SMARCC1: variants seen among roughly 807,000 people sequenced by gnomAD.
SMARCC1 encodes SWI/SNF complex subunit SMARCC1.
Under a neutral mutation model 147.4 loss-of-function variants are expected in SMARCC1, and 43 were observed. That is an observed-to-expected ratio of 0.29 (90% confidence interval 0.23 to 0.38). The LOEUF (loss-of-function observed/expected upper bound fraction) is 0.38, where lower values mean the gene tolerates loss of function less well. Among genes scored for constraint, SMARCC1 ranks in the 10% least tolerant of loss-of-function variants. SMARCC1 has a pLI of 1.00. For synonymous variants in SMARCC1, 495 were observed against 484.4 expected (o/e 1.02, Z -0.29); for missense variants, 1,119 against 1,381.1 (o/e 0.81, Z 3.01).
chr3:47,622,921 A>T (rs1045037051), intron 24 of SMARCC1, among the ~76,000 whole-genome samples: 10 of 152,164 alleles, frequency 6.6e-5, no homozygotes, highest in African/African-American at 2.2e-4. Flanking sequence ...TTGCCACAAG[A>T]CTGATGGTGA....
intron 19 of SMARCC1, among the ~76,000 whole-genome samples, chr3:47,667,105 CAGG>C (rs1352392759): frequency 6.6e-6 from 1 of 152,074 alleles, no homozygotes; most frequent in East Asian, 1.9e-4. Flanking sequence ...ATCACGAGGT[CAGG>C]AGATCGAGAC....
In SMARCC1 at chr3:47,689,281, G is replaced by T. The variant is rs962779887; in HGVS notation, c.1263+106C>A. On this transcript the variant is annotated intron_variant, in intron 13 of 27. Coordinates refer to ENST00000254480, the MANE Select transcript of SMARCC1 (RefSeq NM_003074.4). ...AAAAAAAAATTCAAAAACCAGAAGG[G>T]CTTCATAGTCCAAAAATTGGGTTAT... The T allele has an allele frequency of 1.1e-4, 96 of 868,060 alleles. No individual in the cohort carries two copies. In the African/African-American group the frequency reaches 1.6e-3, roughly 14 times the overall value. 53.8% of individuals were successfully genotyped at this position (868,060 alleles called of 1,614,324 possible).
rs1373829840 is a variant in SMARCC1, at chr3:47,703,006, A to T, written c.1041-1604T>A. On this transcript the variant is annotated intron_variant, in intron 10 of 27. Coordinates refer to ENST00000254480, the MANE Select transcript of SMARCC1 (RefSeq NM_003074.4). ...AAGTGGCACTATCTCAGCTCACTGC[A>T]ATCTTTTCCTTCCCAGGTTCAAGCA... 2.6e-5 allele frequency among the ~76,000 whole-genome samples: 4 copies of T among 152,086 alleles called. No individual in the cohort carries two copies. The East Asian group carries it at 7.7e-4, about 29-fold the overall frequency.
At chr3:47,718,391 G>A (rs1004449100) in intron 7 of SMARCC1, among the ~76,000 whole-genome samples, 18 of 152,076 alleles carry the variant, frequency 1.2e-4, no homozygotes, top group African/African-American at 2.4e-4. Flanking sequence ...CTGAGGTTGC[G>A]CCACTGCACT....
intron 25 of SMARCC1, 57 bp from the exon 26 acceptor site, chr3:47,610,384 TA>T: frequency 6.3e-7 from 1 of 1,594,912 alleles, no homozygotes. Context: ...CAGGATTGGA[TA>T]ACACAAAGGA....
At chr3:47,665,174 C>A (rs1430540992) in intron 19 of SMARCC1, among the ~76,000 whole-genome samples, 3 of 152,082 alleles carry the variant, frequency 2.0e-5, no homozygotes. Flanking sequence ...GCTGCTCAGG[C>A]TTTCATTTCT....
At chr3:47,767,622 C>T (rs2034856034) in intron 2 of SMARCC1, among the ~76,000 whole-genome samples, 1 of 140,890 alleles carries the variant, frequency 7.1e-6, no homozygotes, top group South Asian at 2.2e-4. Context: ...GTAATCCCAG[C>T]ACCTTGGGAG....
intron 2 of SMARCC1, among the ~76,000 whole-genome samples, chr3:47,754,920 G>A (rs2034671792): frequency 6.6e-6 from 1 of 152,146 alleles, no homozygotes. Context: ...GCGGGCACTT[G>A]TAATCCCAGC....
chr3:47,665,495 T>C (rs1161530868), intron 19 of SMARCC1, among the ~76,000 whole-genome samples: 1 of 152,176 alleles, frequency 6.6e-6, no homozygotes, highest in Non-Finnish European at 1.5e-5. Context: ...TTTTTTCATG[T>C]TCCTTTCGCC....
intron 9 of SMARCC1, among the ~76,000 whole-genome samples, chr3:47,709,069 T>C (rs2034052220): frequency 6.6e-6 from 1 of 152,316 alleles, no homozygotes; most frequent in African/African-American, 2.4e-5. Flanking sequence ...AAGATCAGCC[T>C]GGCCAACATA....
Position 47,636,788 on chromosome 3 carries a change from ATGTGTGTGTGTG to A in SMARCC1, c.2377-664_2377-653del, listed in dbSNP as rs35445330. 5.2e-3 allele frequency among the ~76,000 whole-genome samples: 422 copies of A among 80,656 alleles called. 2 individuals carry two copies. The highest frequency in any genetic ancestry group is 0.038 in the East Asian group (99 of 2,602). 52.9% of individuals were successfully genotyped at this position (80,656 alleles called of 152,430 possible). A position where few individuals can be genotyped will look rare whatever the true frequency, so the allele number is the denominator to read the frequency against. ...ACAACAACCACAACAAAATATATAT[ATGTGTGTGTGTG>A]TGTGTGTGTGTGTGTGTGTGTGTGT... is the stretch of plus-strand genomic sequence containing the variant. On this transcript the variant is annotated intron_variant, in intron 22 of 27. Transcript: ENST00000254480.
chr3:47,657,625 C>G (rs1383215041), intron 21 of SMARCC1, among the ~76,000 whole-genome samples: 1 of 151,844 alleles, frequency 6.6e-6, no homozygotes, highest in Non-Finnish European at 1.5e-5. Context: ...ATAGTGAAAC[C>G]CCATCTCTAC....
chr3:47,685,806 G>C (rs979835718), intron 14 of SMARCC1, among the ~76,000 whole-genome samples: 2 of 152,052 alleles, frequency 1.3e-5, no homozygotes. Flanking sequence ...GCAGTGAGTC[G>C]AGATCATACC....
intron 1 of SMARCC1, among the ~76,000 whole-genome samples, chr3:47,780,183 T>TTG (rs1445910458): frequency 6.9e-6 from 1 of 144,310 alleles, no homozygotes; most frequent in Non-Finnish European, 1.5e-5. Flanking sequence ...TTTTTTTTTT[T>TTG]TTTTTTTGGA....
At chr3:47,780,530 C>T (rs981668912) in intron 1 of SMARCC1, among the ~76,000 whole-genome samples, 1 of 152,110 alleles carries the variant, frequency 6.6e-6, no homozygotes, top group Non-Finnish European at 1.5e-5. Flanking sequence ...CAAACACTGA[C>T]AGGCTTCACT....
chr3:47,758,762 C>T (rs1418676250), intron 2 of SMARCC1, among the ~76,000 whole-genome samples: 5 of 151,940 alleles, frequency 3.3e-5, no homozygotes, highest in Non-Finnish European at 4.4e-5. Flanking sequence ...TGGCCGGGCG[C>T]GGTGGCTCAG....
At chr3:47,635,365 T>C in intron 23 of SMARCC1, 21 bp from the exon 24 acceptor site, 1 of 1,606,672 alleles carries the variant, frequency 6.2e-7, no homozygotes, top group East Asian at 2.2e-5. Flanking sequence ...CAGAAAGCTT[T>C]GTTACTAGCG....
At chr3:47,771,583 T>C (rs919837819) in intron 2 of SMARCC1, among the ~76,000 whole-genome samples, 9 of 151,474 alleles carry the variant, frequency 5.9e-5, no homozygotes, top group African/African-American at 9.7e-5. Flanking sequence ...CTACTAAAAA[T>C]ACAAAAATTA....
At position 47,686,059 on chromosome 3, in the gene SMARCC1, C is replaced by A; in HGVS notation, c.1375G>T (p.Asp459Tyr). 4 of 1,612,666 alleles carry A rather than the reference C, an allele frequency of 2.5e-6. No homozygotes were observed. The South Asian group carries it at 4.4e-5, about 18-fold the overall frequency. ...AAGTGGTCCACTCACCAGTTATAAT[C>A]AAACCATGATGCATAACTAGGAATA... The part of the protein sequence containing the change: ...IIIPSYASWF[D>Y]YNCIHVIERR... The change falls in exon 14 of 28, where the codon GAT (aspartate) becomes TAT (tyrosine). Residue 459 changes from aspartate to tyrosine, a missense_variant. Physicochemically the swap from Asp to Tyr is radical, Grantham distance 160 (BLOSUM62 -3). This residue lies in a region of SMARCC1 where 542 missense variants were observed against 611.8 expected (regional missense o/e 0.89). Coordinates refer to ENST00000254480, the MANE Select transcript of SMARCC1 (RefSeq NM_003074.4).
Sources: gnomAD v4.1 joint callset for allele counts (sites outside exome capture counted in the v4.1 genomes callset) on GRCh38, gnomAD v4.1.1 for gene constraint, gnomAD v4.1.1 regional missense constraint, MANE v1.5 for transcripts, NCBI Gene and HGNC (gene_info 2026-07-23, HGNC 2026-07-21) for gene names.